Variants in RBFOX3 observed in about 807,000 individuals in gnomAD.
RBFOX3 encodes the protein RNA binding protein fox-1 homolog 3.
In RBFOX3, 17 loss-of-function variants were observed where a neutral mutation model predicts 48.7. The observed-to-expected ratio is 0.35, with a 90% CI of 0.24 to 0.52. The LOEUF (loss-of-function observed/expected upper bound fraction) is 0.52. Ranked by LOEUF, RBFOX3 falls within the 20% of genes least tolerant of loss-of-function variation. The probability of loss-of-function intolerance (pLI) is 0.94; values close to 1 mark genes in which losing one functional copy is unlikely to be tolerated. For synonymous variants in RBFOX3, 212 were observed against 209.5 expected (o/e 1.01, Z -0.10); for missense variants, 382 against 497.5 (o/e 0.77, Z 2.21).
At chr17:79,172,148 T>C (rs1021444132) in intron 4 of RBFOX3, among the ~76,000 whole-genome samples, 65 of 117,754 alleles carry the variant, frequency 5.5e-4, no homozygotes, top group African/African-American at 1.8e-3. Flanking sequence ...CACTCCAGCC[T>C]GGGCGACAGA....
chr17:79,255,214 C>CGT (rs2064581405), intron 3 of RBFOX3, among the ~76,000 whole-genome samples: 1 of 127,080 alleles, frequency 7.9e-6, no homozygotes, highest in Non-Finnish European at 1.7e-5. Flanking sequence ...CCTGTGGTCA[C>CGT]ATGTGTGCGT....
chr17:79,207,278 G>A (rs757017211), intron 4 of RBFOX3, among the ~76,000 whole-genome samples: 1 of 152,204 alleles, frequency 6.6e-6, no homozygotes, highest in Admixed American at 6.5e-5. Flanking sequence ...GGAATGAAAC[G>A]CTCCTTTCCC....
chr17:79,141,214 G>A (rs914057344), intron 4 of RBFOX3, among the ~76,000 whole-genome samples: 1 of 152,162 alleles, frequency 6.6e-6, no homozygotes. Flanking sequence ...TCAAAAGACT[G>A]GTCTTTCTGC....
chr17:79,422,897 C>G (rs2066686097), intron 2 of RBFOX3, among the ~76,000 whole-genome samples: 1 of 152,158 alleles, frequency 6.6e-6, no homozygotes, highest in Admixed American at 6.5e-5. Flanking sequence ...GATATGCACT[C>G]TCTCTTCCTC....
At chr17:79,521,017 A>G (rs2085987454) in intron 1 of RBFOX3, among the ~76,000 whole-genome samples, 1 of 152,254 alleles carries the variant, frequency 6.6e-6, no homozygotes, top group Admixed American at 6.5e-5. Context: ...GGGTGAAGCC[A>G]GCTTGGCTCT....
chr17:79,512,691 GGTA>G (rs1568366225), intron 1 of RBFOX3, among the ~76,000 whole-genome samples: 14 of 124,768 alleles, frequency 1.1e-4, no homozygotes, highest in Non-Finnish European at 1.9e-4. Flanking sequence ...GTTACCATCG[GGTA>G]CAGCCCCATG....
intron 4 of RBFOX3, among the ~76,000 whole-genome samples, chr17:79,167,213 C>A (rs1057174989): frequency 6.6e-6 from 1 of 152,202 alleles, no homozygotes; most frequent in Non-Finnish European, 1.5e-5. Flanking sequence ...GGCACATGGC[C>A]AAGAACAAGC....
At chr17:79,348,269 C>G (rs566411787) in intron 2 of RBFOX3, among the ~76,000 whole-genome samples, 60 of 152,324 alleles carry the variant, frequency 3.9e-4, no homozygotes, top group African/African-American at 1.4e-3. Flanking sequence ...TGCACCTGAG[C>G]CCTGCATAGC....
At chr17:79,635,670 G>C in the RBFOX3 span, among the ~76,000 whole-genome samples, 1 of 152,200 alleles carries the variant, frequency 6.6e-6, no homozygotes, top group Non-Finnish European at 1.5e-5. Context: ...ATATTACACA[G>C]TGGGGGAGAG....
At chr17:79,276,356 G>A (rs1439607117) in intron 3 of RBFOX3, among the ~76,000 whole-genome samples, 1 of 152,208 alleles carries the variant, frequency 6.6e-6, no homozygotes, top group Non-Finnish European at 1.5e-5. Flanking sequence ...AATGGCTTGT[G>A]AATTGTTATC....
chr17:79,101,747 C>T lies in RBFOX3; in HGVS notation c.508-103G>A, dbSNP rs921724136. 6 of 1,003,326 alleles carry T rather than the reference C, an allele frequency of 6.0e-6. No individual in the cohort carries two copies. The South Asian group carries it at 6.9e-5, about 11-fold the overall frequency. The allele number at this position is 1,003,326 out of a possible 1,614,324, so 62.2% of individuals were successfully genotyped here. ...CTGCTCCGTTAGCCCCCGGCACCCC[C>T]CGCCCCAGCCTCCTCTCTCCACCAT... On this transcript the variant is annotated intron_variant, in intron 8 of 14. Coordinates refer to ENST00000693108, the MANE Select transcript of RBFOX3 (RefSeq NM_001350451.2).
At chr17:79,428,908 A>G (rs2067898158) in intron 2 of RBFOX3, among the ~76,000 whole-genome samples, 1 of 152,194 alleles carries the variant, frequency 6.6e-6, no homozygotes, top group Admixed American at 6.5e-5. Context: ...AGTATATTGG[A>G]GCTTGCCCTT....
At chr17:79,414,422 C>A (rs2064970439) in intron 2 of RBFOX3, among the ~76,000 whole-genome samples, 1 of 152,132 alleles carries the variant, frequency 6.6e-6, no homozygotes, top group African/African-American at 2.4e-5. Context: ...TGGATTAACA[C>A]ACACAACTTC....
intron 5 of RBFOX3, among the ~76,000 whole-genome samples, chr17:79,109,321 G>C (rs2078054996): frequency 6.6e-6 from 1 of 152,218 alleles, no homozygotes; most frequent in Admixed American, 6.5e-5. Flanking sequence ...GGCCAGGAGG[G>C]TGGATGACAG....
At position 79,390,287 on chromosome 17, in the gene RBFOX3, C is replaced by T. The variant is rs2061216965; in HGVS notation, c.-174-82463G>A. 6.6e-6 allele frequency among the ~76,000 whole-genome samples: 1 copy of T among 152,206 alleles called. No homozygotes were observed. Among genetic ancestry groups the T allele is most frequent in the African/African-American group, 2.4e-5 (1 of 41,454 alleles). On this transcript the variant is annotated intron_variant, in intron 2 of 14. Coordinates refer to ENST00000693108, the MANE Select transcript of RBFOX3 (RefSeq NM_001350451.2). This position sits in a 1 kb window ranked among gnomAD's most constrained non-coding sequence, Gnocchi z 4.2. ...ATCCTGCAATCCTTTAGCTGGCAGA[C>T]ACCAGCATCCCGGGGGGACTTCTTA...
At chr17:79,542,370 T>C (rs1028346300) in intron 1 of RBFOX3, among the ~76,000 whole-genome samples, 22 of 152,182 alleles carry the variant, frequency 1.4e-4, no homozygotes, top group African/African-American at 4.8e-4. Context: ...TGAGCGCTAG[T>C]GGGGCGGCTC....
Position 79,363,516 on chromosome 17 carries a change from C to T in RBFOX3, c.-174-55692G>A, listed in dbSNP as rs1237401212. On this transcript the variant is annotated intron_variant, in intron 2 of 14. Transcript: ENST00000693108. This position sits in a 1 kb window ranked among gnomAD's most constrained non-coding sequence, Gnocchi z 4.7. ...CCTCAGAAGTATCTCAGAAGTATCT[C>T]AGATCTTCTGAGGATGCCCAACACA... Among the ~76,000 whole-genome samples the T allele has an allele frequency of 1.3e-5, 2 of 152,098 alleles. No homozygotes were observed. The highest frequency in any genetic ancestry group is 2.9e-5 in the Non-Finnish European group (2 of 68,004).
At chr17:79,127,644 G>A (rs940356067) in intron 4 of RBFOX3, among the ~76,000 whole-genome samples, 1 of 152,186 alleles carries the variant, frequency 6.6e-6, no homozygotes, top group African/African-American at 2.4e-5. Flanking sequence ...TTGAGCCCCC[G>A]CATCAGAGGC....
chr17:79,129,521 T>A (rs867155003), intron 4 of RBFOX3, among the ~76,000 whole-genome samples: 1 of 103,660 alleles, frequency 9.6e-6, no homozygotes, highest in African/African-American at 3.2e-5. Flanking sequence ...TGTCCAGGCT[T>A]CCTGAGTTCA....
Sources: gnomAD v4.1 joint callset for allele counts (sites outside exome capture counted in the v4.1 genomes callset) on GRCh38, gnomAD v4.1.1 for gene constraint, Gnocchi (gnomAD v3.1) non-coding constraint, MANE v1.5 for transcripts, NCBI Gene and HGNC (gene_info 2026-07-23, HGNC 2026-07-21) for gene names.